The following CSMD2 variants were observed in gnomAD, a reference collection of about 807,000 sequenced individuals.
The protein encoded by CSMD2 is CUB and sushi domain-containing protein 2.
A neutral mutation model predicts 398.5 loss-of-function variants in CSMD2; 130 were observed. That is an observed-to-expected ratio of 0.33 (90% CI 0.28 to 0.38). The LOEUF (loss-of-function observed/expected upper bound fraction) is 0.38. Among genes scored for constraint, CSMD2 ranks in the 10% least tolerant of loss-of-function variants. The pLI is 1.00. For synonymous variants in CSMD2, 1,828 were observed against 1,908.5 expected (o/e 0.96, Z 1.10); for missense variants, 3,829 against 4,764.9 (o/e 0.80, Z 5.78).
intron 1 of CSMD2, among the ~76,000 whole-genome samples, chr1:34,136,681 A>AT (rs66672381): frequency 5.3e-5 from 8 of 152,178 alleles, no homozygotes; most frequent in Admixed American, 3.9e-4. Context: ...CTTTATTACC[A>AT]TTTTTTGTCC....
chr1:33,601,268 C>T (rs1315142150), intron 43 of CSMD2, among the ~76,000 whole-genome samples: 3 of 152,170 alleles, frequency 2.0e-5, no homozygotes. Flanking sequence ...GGCTCCTGGG[C>T]AAATTTAGGC....
intron 32 of CSMD2, among the ~76,000 whole-genome samples, chr1:33,629,266 A>G (rs1642321362): frequency 6.6e-6 from 1 of 152,210 alleles, no homozygotes; most frequent in South Asian, 2.1e-4. Flanking sequence ...GTCCAAATAT[A>G]TCAAGAAAAA....
intron 15 of CSMD2, among the ~76,000 whole-genome samples, chr1:33,727,586 T>A (rs542405354): frequency 7.0e-4 from 107 of 152,302 alleles, no homozygotes; most frequent in Admixed American, 2.7e-3. Flanking sequence ...GTACATCATG[T>A]CTCTGTGGAA....
intron 11 of CSMD2, among the ~76,000 whole-genome samples, chr1:33,791,272 C>T (rs1448499613): frequency 6.6e-6 from 1 of 152,174 alleles, no homozygotes; most frequent in Non-Finnish European, 1.5e-5. Flanking sequence ...TCTCTGAAAC[C>T]TTTGGGCCTC....
At chr1:33,703,565 G>A (rs1234771182) in intron 22 of CSMD2, among the ~76,000 whole-genome samples, 1 of 152,142 alleles carries the variant, frequency 6.6e-6, no homozygotes, top group African/African-American at 2.4e-5. Flanking sequence ...CAAGATGGCT[G>A]GTTTCAAAAT....
At chr1:33,726,011 G>A (rs1214540909) in intron 16 of CSMD2, among the ~76,000 whole-genome samples, 1 of 152,006 alleles carries the variant, frequency 6.6e-6, no homozygotes, top group Non-Finnish European at 1.5e-5. Flanking sequence ...TTTACCATCT[G>A]GCTCTTCACA....
rs574428795 is a variant in CSMD2, at chr1:33,838,177, C to T, written c.1033+8707G>A. 2.0e-5 allele frequency among the ~76,000 whole-genome samples: 3 copies of T among 152,288 alleles called. No homozygotes were observed. The East Asian group carries it at 5.8e-4, about 29-fold the overall frequency. ...CAATAAACTAGATCATTCCCCTTGC[C>T]CTGCCACTTGCCAGTCTTGCTGGCT... On this transcript the variant is annotated intron_variant, in intron 6 of 70. Transcript: ENST00000373381.
chr1:34,140,065 C>T (rs1571242534), intron 1 of CSMD2, among the ~76,000 whole-genome samples: 1 of 152,130 alleles, frequency 6.6e-6, no homozygotes, highest in Admixed American at 6.5e-5. Context: ...AGTCCCTGAC[C>T]TCCTGAAGCT....
chr1:34,090,681 C>A (rs561707887), intron 1 of CSMD2, among the ~76,000 whole-genome samples: 3 of 152,272 alleles, frequency 2.0e-5, no homozygotes, highest in Admixed American at 1.3e-4. Flanking sequence ...CACCCTACAC[C>A]AAGCTCATTC....
chr1:33,605,755 GA>G, intron 41 of CSMD2: 2 of 934,648 alleles, frequency 2.1e-6, no homozygotes, highest in Non-Finnish European at 3.3e-6. Flanking sequence ...AATTCCGTAG[GA>G]AAAGGAGGCT....
Position 33,624,141 on chromosome 1 carries a change from G to A in CSMD2, c.5625+378C>T, listed in dbSNP as rs988555011. ...CCTCACAATCTTAAGAAAATCTTTA[G>A]CCATTTGAGGAACAACTTCTATGAA... is the stretch of plus-strand genomic sequence containing the variant. On this transcript the variant is annotated intron_variant, in intron 35 of 70. Transcript: ENST00000373381. This position sits in a 1 kb window ranked among gnomAD's most constrained non-coding sequence, Gnocchi z 4.7. Among the ~76,000 whole-genome samples, 1 of 152,142 alleles carries A rather than the reference G, an allele frequency of 6.6e-6. No individual in the cohort carries two copies. Among genetic ancestry groups the A allele is most frequent in the Non-Finnish European group, 1.5e-5 (1 of 68,022 alleles).
At chr1:33,788,517 A>AAG in intron 12 of CSMD2, 83 bp downstream of exon 12, 1 of 829,414 alleles carries the variant, frequency 1.2e-6, no homozygotes, top group South Asian at 1.5e-5. Context: ...CAAAAAAAAA[A>AAG]AAAAAAAAAA....
At chr1:34,006,936 G>T (rs1647076420) in intron 3 of CSMD2, among the ~76,000 whole-genome samples, 1 of 152,022 alleles carries the variant, frequency 6.6e-6, no homozygotes, top group Non-Finnish European at 1.5e-5. Flanking sequence ...TGGAAACTGT[G>T]ACACGCTCCC....
At chr1:33,944,234 C>A (rs1383260500) in intron 3 of CSMD2, among the ~76,000 whole-genome samples, 2 of 151,934 alleles carry the variant, frequency 1.3e-5, no homozygotes, top group African/African-American at 2.4e-5. Context: ...AGGAACGCCC[C>A]CCCCCCAACT....
chr1:33,737,838 G>A (rs1024134063), intron 15 of CSMD2, among the ~76,000 whole-genome samples: 2 of 152,210 alleles, frequency 1.3e-5, no homozygotes, highest in East Asian at 1.9e-4. Context: ...TGGAGTTTAC[G>A]TGACAGTGAA....
chr1:33,781,868 A>T (rs947850675), intron 12 of CSMD2, among the ~76,000 whole-genome samples: 1 of 151,922 alleles, frequency 6.6e-6, no homozygotes, highest in Non-Finnish European at 1.5e-5. Context: ...GTGCTCAGAT[A>T]TTGACAGATC....
chr1:33,694,046 C>T (rs182675483), intron 24 of CSMD2, among the ~76,000 whole-genome samples: 8 of 151,816 alleles, frequency 5.3e-5, no homozygotes, highest in East Asian at 1.9e-4. Context: ...GCAACAAATG[C>T]GAAACTCCAT....
intron 26 of CSMD2, among the ~76,000 whole-genome samples, chr1:33,659,542 G>T (rs553364467): frequency 6.6e-6 from 1 of 152,314 alleles, no homozygotes; most frequent in South Asian, 2.1e-4. Context: ...TAAAACAAAA[G>T]AATTTATTCT....
intron 13 of CSMD2, among the ~76,000 whole-genome samples, chr1:33,744,279 A>T (rs1250913563): frequency 6.6e-6 from 1 of 152,154 alleles, no homozygotes; most frequent in Non-Finnish European, 1.5e-5. Flanking sequence ...GCCCAGGACC[A>T]TTTGTCTCCT....
Sources: gnomAD v4.1 joint callset for allele counts (sites outside exome capture counted in the v4.1 genomes callset) on GRCh38, gnomAD v4.1.1 for gene constraint, Gnocchi (gnomAD v3.1) non-coding constraint, MANE v1.5 for transcripts, NCBI Gene and HGNC (gene_info 2026-07-23, HGNC 2026-07-21) for gene names.